The following GET1 variants were observed in gnomAD, a reference collection of about 807,000 sequenced individuals.
GET1 encodes guided entry of tail-anchored proteins factor 1, also known as congenital heart disease 5 protein.
A neutral mutation model predicts 22.6 loss-of-function variants in GET1; 20 were observed. The observed-to-expected ratio is 0.89, with a 90% CI of 0.62 to 1.29. The LOEUF (loss-of-function observed/expected upper bound fraction) is 1.29, where lower values mean the gene tolerates loss of function less well. GET1 is among the 50% of genes most tolerant of loss of function. The probability of loss-of-function intolerance (pLI) is 0.00; values close to 1 mark genes in which losing one functional copy is unlikely to be tolerated. For missense variants in GET1, 209 were observed against 219.9 expected, an observed-to-expected ratio of 0.95 and a Z score of 0.31; for synonymous variants, 92 against 83.8, an observed-to-expected ratio of 1.10 and a Z score of -0.53.
chr21:39,383,315 CT>C (rs1233910142), intron 1 of GET1, among the ~76,000 whole-genome samples: 4 of 140,874 alleles, frequency 2.8e-5, no homozygotes, highest in Non-Finnish European at 6.2e-5. Context: ...GAGTCTTGCT[CT>C]TGTTGCCCAG....
chr21:39,415,726 C>T (rs1027562847), intron 1 of GET1, among the ~76,000 whole-genome samples: 1 of 152,178 alleles, frequency 6.6e-6, no homozygotes, highest in African/African-American at 2.4e-5. Flanking sequence ...ATTAATATAT[C>T]TCTTACTGTC....
chr21:39,393,537 A>G (rs1409369492), intron 4 of GET1, among the ~76,000 whole-genome samples: 1 of 152,184 alleles, frequency 6.6e-6, no homozygotes, highest in African/African-American at 2.4e-5. Flanking sequence ...CATGCCCAAT[A>G]CGTCAAGTCT....
chr21:39,383,920 T>A (rs1048490704), intron 1 of GET1, among the ~76,000 whole-genome samples: 5 of 152,220 alleles, frequency 3.3e-5, no homozygotes, highest in African/African-American at 1.2e-4. Flanking sequence ...TTTGTATTTT[T>A]AGTAGAGACG....
intron 1 of GET1, chr21:39,422,821 G>T: frequency 1.4e-6 from 1 of 702,110 alleles, no homozygotes; most frequent in East Asian, 2.6e-5. Flanking sequence ...CTCCCTTTCT[G>T]TGCCCTCTAT....
At chr21:39,389,155 A>G (rs2038130664) in intron 1 of GET1, among the ~76,000 whole-genome samples, 1 of 151,734 alleles carries the variant, frequency 6.6e-6, no homozygotes, top group Admixed American at 6.6e-5. Context: ...TATTTTTTGT[A>G]GAGACAGGGT....
rs141744454 is a variant in GET1, at chr21:39,391,778, G to A, written c.278G>A (p.Arg93Gln). The change falls in exon 3 of 5, where the codon CGG (arginine) becomes CAG (glutamine). Residue 93 changes from arginine (R) to glutamine (Q), a missense_variant. By Grantham distance (43) the Arg-to-Gln change is conservative. Coordinates refer to ENST00000649170, the MANE Select transcript of GET1 (RefSeq NM_004627.6). ...CTGTTTTTCCTTTCAGTGAAAGCTC[G>A]GACAGCTCAATTAGCCAAGATAAAA... ...TDKLKTHVKA[R>Q]TAQLAKIKWV... is the part of the protein sequence containing the mutation. 3.9e-5 allele frequency: 63 copies of A among 1,614,030 alleles called. No homozygotes were observed. The highest frequency in any genetic ancestry group is 1.2e-4 in the African/African-American group (9 of 75,022).
At chr21:39,416,216 CA>C (rs1303240348) in intron 1 of GET1, among the ~76,000 whole-genome samples, 2 of 152,200 alleles carry the variant, frequency 1.3e-5, no homozygotes, top group African/African-American at 4.8e-5. Flanking sequence ...GTCTTCAAGA[CA>C]GCATGCTGTT....
At chr21:39,413,705 A>G (rs963246854) in intron 1 of GET1, 1 of 152,264 alleles carries the variant, frequency 6.6e-6, no homozygotes, top group Non-Finnish European at 1.5e-5. Flanking sequence ...TGAAAAGTTG[A>G]TCAGGTGTAT....
At chr21:39,398,870 G>C (rs925638564), downstream of GET1, among the ~76,000 whole-genome samples, 3 of 151,864 alleles carry the variant, frequency 2.0e-5, no homozygotes, top group Non-Finnish European at 4.4e-5. Context: ...ATCCCAAAGT[G>C]CTGGGATTAC....
At chr21:39,396,681 G>A (rs1359753910) in intron 4 of GET1, among the ~76,000 whole-genome samples, 185 bp from the exon 5 acceptor site, 2 of 94,854 alleles carry the variant, frequency 2.1e-5, no homozygotes, top group African/African-American at 3.8e-5. Context: ...GCGAGACTCC[G>A]TCTCAAAAAA....
chr21:39,423,067 G>T lies in GET1; in HGVS notation c.*24-5165G>T, dbSNP rs149837591. 90 of 1,614,126 alleles carry T rather than the reference G, an allele frequency of 5.6e-5. 2 individuals carry two copies. In the African/African-American group the frequency reaches 1.2e-3, roughly 21 times the overall value. ...CCTTTCTGCAAGGTTTTTGTCTTCA[G>T]AAAGTTTCTGCAGTGCCTGCAAGAT... On this transcript the variant is annotated intron_variant, in intron 1 of 1. Coordinates refer to the GET1 transcript ENST00000478273.
At position 39,397,205 on chromosome 21, in the gene GET1, T is replaced by G. The variant is rs2038711545; in HGVS notation, c.*266T>G. ...CGATCTGTACGAAATGTGAAATGTTTAGGGACATCTCCATGCTGTCACTTG... is the reference window on the plus strand; with the variant it reads ...CGATCTGTACGAAATGTGAAATGTTGAGGGACATCTCCATGCTGTCACTTG... On this transcript the variant is annotated 3_prime_UTR_variant, in exon 5 of 5. Coordinates refer to ENST00000649170, the MANE Select transcript of GET1 (RefSeq NM_004627.6). The G allele has an allele frequency of 2.4e-6, 1 of 416,370 alleles. No homozygotes were observed. The allele number at this position is 416,370 out of a possible 1,614,324, so 25.8% of individuals were successfully genotyped here. A position where few individuals can be genotyped will look rare whatever the true frequency, so the allele number is the denominator to read the frequency against.
intron 1 of GET1, among the ~76,000 whole-genome samples, chr21:39,389,218 T>G (rs2038134985): frequency 6.6e-6 from 1 of 152,166 alleles, no homozygotes; most frequent in African/African-American, 2.4e-5. Context: ...GCGATTCACC[T>G]GCCTTGGCCT....
At chr21:39,392,085 A>C (rs1363515068) in intron 3 of GET1, 1 of 474,456 alleles carries the variant, frequency 2.1e-6, no homozygotes, top group Non-Finnish European at 3.7e-6. Context: ...GTTCTCGGAG[A>C]GCTTTCACCA....
intron 1 of GET1, among the ~76,000 whole-genome samples, chr21:39,383,517 G>A (rs915987132): frequency 2.0e-5 from 3 of 147,460 alleles, no homozygotes. Context: ...CCTGATCTCC[G>A]GTGATCTGCC....
At chr21:39,421,670 G>C (rs2073793095) in intron 1 of GET1, 1 of 152,076 alleles carries the variant, frequency 6.6e-6, no homozygotes, top group Admixed American at 6.6e-5. Context: ...CATAAAGTAG[G>C]ACCTCCTCCA....
At chr21:39,395,931 G>A (rs1238778897) in intron 4 of GET1, among the ~76,000 whole-genome samples, 1 of 152,166 alleles carries the variant, frequency 6.6e-6, no homozygotes, top group Non-Finnish European at 1.5e-5. Flanking sequence ...TGTTTATAAT[G>A]CTTTCTGAGA....
chr21:39,380,661 C>G, intron 1 of GET1, 175 bp downstream of exon 1: 1 of 1,419,224 alleles, frequency 7.0e-7, no homozygotes, highest in South Asian at 1.5e-5. Context: ...GACGCTTTAC[C>G]CCAAAATCAG....
chr21:39,387,733 C>G (rs2038010052), intron 1 of GET1: 1 of 971,874 alleles, frequency 1.0e-6, no homozygotes, highest in Non-Finnish European at 1.2e-6. Context: ...CGCTGGTAGG[C>G]GGCATCACTG....
Sources: allele counts gnomAD v4.1 joint callset (sites outside exome capture counted in the v4.1 genomes callset), GRCh38; gene constraint gnomAD v4.1.1; transcripts MANE v1.5; gene names NCBI Gene and HGNC (gene_info 2026-07-23, HGNC 2026-07-21).